The following PRKACB variants were observed in gnomAD, a reference collection of about 807,000 sequenced individuals.
PRKACB encodes the protein cAMP-dependent protein kinase catalytic subunit beta.
PRKACB carries 16 observed loss-of-function variants against 51.4 expected under a neutral mutation model. The observed-to-expected ratio is 0.31, with a 90% CI of 0.21 to 0.47. PRKACB has a LOEUF of 0.47. Among genes scored for constraint, PRKACB ranks in the 20% least tolerant of loss-of-function variants. PRKACB has a pLI of 1.00. For synonymous variants in PRKACB, 147 were observed against 154.4 expected, an observed-to-expected ratio of 0.95 and a Z score of 0.35; for missense variants, 309 against 464.5, an observed-to-expected ratio of 0.67 and a Z score of 3.08.
chr1:84,181,666 C>A, intron 2 of PRKACB: 2 of 1,505,060 alleles, frequency 1.3e-6, no homozygotes, highest in Non-Finnish European at 1.8e-6. Context: ...TCTCATGCTG[C>A]TACTATCTAG....
At chr1:84,114,088 G>T (rs1650441373) in intron 1 of PRKACB, among the ~76,000 whole-genome samples, 1 of 152,096 alleles carries the variant, frequency 6.6e-6, no homozygotes, top group South Asian at 2.1e-4. Flanking sequence ...AGGATAGCTG[G>T]AAGAAATCAG....
intron 9 of PRKACB, among the ~76,000 whole-genome samples, chr1:84,222,205 TAA>T (rs1673839297): frequency 6.6e-6 from 1 of 152,168 alleles, no homozygotes. Context: ...TGTTTTGACT[TAA>T]AGTTTCCTTT....
At chr1:84,177,491 A>T (rs564285262) in intron 1 of PRKACB, among the ~76,000 whole-genome samples, 1 of 152,200 alleles carries the variant, frequency 6.6e-6, no homozygotes, top group South Asian at 2.1e-4. Flanking sequence ...CTCTAATCCT[A>T]GCACTTTGGG....
chr1:84,208,255 G>T (rs562967325), intron 8 of PRKACB, among the ~76,000 whole-genome samples: 1 of 152,164 alleles, frequency 6.6e-6, no homozygotes, highest in East Asian at 1.9e-4. Flanking sequence ...ACTTTTAGAA[G>T]ATAATAGTTA....
chr1:84,151,849 C>T (rs932753433), intron 1 of PRKACB, among the ~76,000 whole-genome samples: 5 of 152,160 alleles, frequency 3.3e-5, no homozygotes, highest in East Asian at 1.9e-4. Context: ...ACCGCTCAAA[C>T]GCATCTATGA....
chr1:84,167,958 T>C (rs551760492), intron 1 of PRKACB, among the ~76,000 whole-genome samples: 1 of 151,590 alleles, frequency 6.6e-6, no homozygotes, highest in Non-Finnish European at 1.5e-5. Flanking sequence ...CTAAATGTTT[T>C]TCTTACTCAT....
chr1:84,202,588 T>A, intron 7 of PRKACB, 95 bp from the exon 8 acceptor site: 1 of 1,342,344 alleles, frequency 7.4e-7, no homozygotes, highest in Non-Finnish European at 1.0e-6. Context: ...TAAAAAAATT[T>A]TTATATGCTT....
chr1:84,150,496 G>A (rs917336785), intron 1 of PRKACB, among the ~76,000 whole-genome samples: 1 of 152,148 alleles, frequency 6.6e-6, no homozygotes, highest in African/African-American at 2.4e-5. Flanking sequence ...GGGGCCTAAT[G>A]GGAGGCGTTT....
At chr1:84,127,426 T>C (rs1230479112) in intron 1 of PRKACB, among the ~76,000 whole-genome samples, 1 of 152,218 alleles carries the variant, frequency 6.6e-6, no homozygotes, top group Non-Finnish European at 1.5e-5. Context: ...TGTATTCAGC[T>C]CTGCAGGAGG....
intron 2 of PRKACB, among the ~76,000 whole-genome samples, chr1:84,181,909 A>G (rs1663636374): frequency 6.6e-6 from 1 of 152,046 alleles, no homozygotes; most frequent in Admixed American, 6.6e-5. Flanking sequence ...GTCCAATACT[A>G]GGAATGCATA....
intron 6 of PRKACB, among the ~76,000 whole-genome samples, 196 bp from the exon 7 acceptor site, chr1:84,197,533 G>A (rs1006104646): frequency 2.6e-5 from 4 of 152,030 alleles, no homozygotes; most frequent in Non-Finnish European, 4.4e-5. Context: ...TTTGAGTTGA[G>A]GAAGGATTTC....
At chr1:84,185,947 G>C (rs12139683) in intron 5 of PRKACB, among the ~76,000 whole-genome samples, 10,826 of 152,196 alleles carry the variant, frequency 0.071, 528 homozygotes, top group Middle Eastern at 0.1. Context: ...CATATACACA[G>C]ACTAGGTGGT....
intron 9 of PRKACB, among the ~76,000 whole-genome samples, chr1:84,234,199 G>A (rs964478641): frequency 6.6e-6 from 1 of 152,210 alleles, no homozygotes; most frequent in Non-Finnish European, 1.5e-5. Flanking sequence ...TTCCCCTGCT[G>A]GGGGGTGCCT....
chr1:84,201,086 G>A (rs1480093560), intron 7 of PRKACB, among the ~76,000 whole-genome samples: 1 of 151,646 alleles, frequency 6.6e-6, no homozygotes, highest in Non-Finnish European at 1.5e-5. Flanking sequence ...AGAATTACTG[G>A]GTCAAGGAAT....
intron 1 of PRKACB, among the ~76,000 whole-genome samples, chr1:84,157,724 T>C (rs1024579149): frequency 6.6e-6 from 1 of 152,220 alleles, no homozygotes; most frequent in African/African-American, 2.4e-5. Flanking sequence ...ATAGAATATA[T>C]TAATAATTGG....
At chr1:84,111,050 C>T (rs1387116729) in intron 1 of PRKACB, among the ~76,000 whole-genome samples, 1 of 151,942 alleles carries the variant, frequency 6.6e-6, no homozygotes, top group Non-Finnish European at 1.5e-5. Context: ...TAGCCATTCT[C>T]CCTGCCTTCA....
intron 9 of PRKACB, among the ~76,000 whole-genome samples, chr1:84,234,481 G>C (rs1676368872): frequency 6.6e-6 from 1 of 152,244 alleles, no homozygotes; most frequent in South Asian, 2.1e-4. Context: ...ACCTAAGCAA[G>C]CCTGGGCAAT....
In PRKACB at chr1:84,088,870, C is replaced by T. The variant is rs146795639; in HGVS notation, c.46+10499C>T. 6.2e-3 allele frequency among the ~76,000 whole-genome samples: 940 copies of T among 152,178 alleles called. 9 individuals are homozygous for T. The highest frequency in any genetic ancestry group is 0.022 in the African/African-American group (907 of 41,510). On this transcript the variant is annotated intron_variant, in intron 1 of 8. Coordinates refer to the PRKACB transcript ENST00000370688. Reference sequence around the variant, plus strand: ...ATACAGATATTTATAGTAAGGCATACAATGATACATAGGTGCCTGAGATTA... The same window carrying T: ...ATACAGATATTTATAGTAAGGCATATAATGATACATAGGTGCCTGAGATTA...
At chr1:84,177,652 G>C (rs568495728) in intron 1 of PRKACB, among the ~76,000 whole-genome samples, 2 of 152,078 alleles carry the variant, frequency 1.3e-5, no homozygotes, top group East Asian at 3.9e-4. Flanking sequence ...TGAGGCAGAC[G>C]GATTGCTTGA....
Sources: gnomAD v4.1 joint callset for allele counts (sites outside exome capture counted in the v4.1 genomes callset) on GRCh38, gnomAD v4.1.1 for gene constraint, MANE v1.5 for transcripts, NCBI Gene and HGNC (gene_info 2026-07-23, HGNC 2026-07-21) for gene names.